Variants in ZNF732 observed in about 807,000 individuals in gnomAD.
ZNF732 encodes zinc finger protein 732.
In ZNF732, 12 loss-of-function variants were observed where a neutral mutation model predicts 11.5. The observed-to-expected ratio is 1.05, with a 90% CI of 0.67 to 1.70. The LOEUF (loss-of-function observed/expected upper bound fraction) is 1.70. Ranked by LOEUF, ZNF732 falls within the 40% of genes most tolerant of loss-of-function variation. The pLI is 0.00. For missense variants in ZNF732, 702 were observed against 676.9 expected (o/e 1.04, Z -0.41); for synonymous variants, 231 against 236.5 (o/e 0.98, Z 0.21).
intron 3 of ZNF732, among the ~76,000 whole-genome samples, chr4:277,308 A>G (rs533060910): frequency 6.6e-6 from 1 of 152,232 alleles, no homozygotes; most frequent in East Asian, 1.9e-4. Context: ...GAAACTAAAA[A>G]TGCTTTGCAC....
Position 271,317 on chromosome 4 carries a change from A to G in ZNF732, c.1540T>C (p.Ser514Pro). Reference sequence around the variant, plus strand: ...TTCTTATGTTTACTCAGGTATGTGGACCATCCAAAGGCTTTGCCACACTCT... The same window carrying G: ...TTCTTATGTTTACTCAGGTATGTGGGCCATCCAAAGGCTTTGCCACACTCT... ...CEECGKAFGW[S>P]TYLSKHKKIH... The change falls in exon 4 of 4, where the codon TCC (serine) becomes CCC (proline). Residue 514 changes from serine to proline, a missense_variant. Coordinates refer to ENST00000419098, the MANE Select transcript of ZNF732 (RefSeq NM_001137608.3). The G allele has an allele frequency of 2.5e-6, 4 of 1,600,252 alleles. No homozygotes were observed. The highest frequency in any genetic ancestry group is 1.7e-5 in the Admixed American group (1 of 57,360).
intron 1 of ZNF732, among the ~76,000 whole-genome samples, chr4:299,892 C>T (rs1442889899): frequency 2.9e-5 from 4 of 136,638 alleles, no homozygotes; most frequent in East Asian, 4.3e-4. Context: ...TAAGTAGAGA[C>T]GGGGTTTCAC....
At chr4:289,063 A>G (rs1719788414) in intron 3 of ZNF732, among the ~76,000 whole-genome samples, 2 of 152,348 alleles carry the variant, frequency 1.3e-5, no homozygotes, top group South Asian at 2.1e-4. Flanking sequence ...GGCCCCAAAA[A>G]GCTTCCAATC....
intron 3 of ZNF732, among the ~76,000 whole-genome samples, chr4:275,025 G>A (rs1553838464): frequency 6.6e-6 from 1 of 151,594 alleles, no homozygotes; most frequent in Non-Finnish European, 1.5e-5. Flanking sequence ...AAGGAAACAG[G>A]AGACTTGAAA....
chr4:299,589 AATAT>A (rs1482700221), intron 1 of ZNF732, among the ~76,000 whole-genome samples: 1 of 138,976 alleles, frequency 7.2e-6, no homozygotes, highest in Non-Finnish European at 1.5e-5. Flanking sequence ...TTTATATATA[AATAT>A]ATATTTATAA....
At chr4:273,471 A>T (rs1719431628) in intron 3 of ZNF732, among the ~76,000 whole-genome samples, 1 of 152,032 alleles carries the variant, frequency 6.6e-6, no homozygotes, top group South Asian at 2.1e-4. Context: ...AAAGATGTAC[A>T]AATTTTTAAA....
chr4:293,242 G>A (rs1358676280), intron 3 of ZNF732, among the ~76,000 whole-genome samples: 1 of 145,254 alleles, frequency 6.9e-6, no homozygotes, highest in Non-Finnish European at 1.5e-5. Context: ...TGGTGTGTGT[G>A]TGTATATATA....
chr4:292,139 T>G (rs1362460411), intron 3 of ZNF732, among the ~76,000 whole-genome samples: 1 of 152,222 alleles, frequency 6.6e-6, no homozygotes, highest in Admixed American at 6.5e-5. Context: ...GCCCTGTTGA[T>G]ACTGGCTTTG....
In ZNF732 at chr4:271,387, A is replaced by G; in HGVS notation, c.1470T>C (p.Asn490=). Residue 490 remains asparagine (N), a synonymous_variant, in exon 4 of 4, where the codon AAT becomes AAC. Transcript: ENST00000419098. ...CTCCAGTATGAATTGTCTTATGTTT[A>G]TTCAGGGCTCTGGAACATAAAAAGG... The part of the protein sequence containing the change: ...GKAFLCSRAL[N]KHKTIHTGEK... The G allele has an allele frequency of 6.3e-7, 1 of 1,599,222 alleles. No homozygotes were observed. Among genetic ancestry groups the G allele is most frequent in the Non-Finnish European group, 8.5e-7 (1 of 1,172,390 alleles).
At chr4:297,468 T>C (rs1719977092) in intron 1 of ZNF732, among the ~76,000 whole-genome samples, 1 of 152,054 alleles carries the variant, frequency 6.6e-6, no homozygotes, top group Non-Finnish European at 1.5e-5. Flanking sequence ...AGAATTACCA[T>C]TTCCTTTCTA....
Position 272,083 on chromosome 4 carries a change from G to C in ZNF732, c.774C>G (p.Ala258=), listed in dbSNP as rs782226515. 2 of 1,611,434 alleles carry C rather than the reference G, an allele frequency of 1.2e-6. No individual in the cohort carries two copies. The highest frequency in any genetic ancestry group is 1.7e-6 in the Non-Finnish European group (2 of 1,178,772). ...TAGTAAGGGTTGAGGACCTATTAAA[G>C]GCTTTGCCACATTCTTCATATTTGT... ...KSYKYEECGK[A]FNRSSTLTKH... Residue 258 remains alanine, a synonymous_variant, in exon 4 of 4, where the codon GCC becomes GCG. Transcript: ENST00000419098.
At chr4:280,906 A>G (rs186662530) in intron 3 of ZNF732, among the ~76,000 whole-genome samples, 2 of 152,188 alleles carry the variant, frequency 1.3e-5, no homozygotes, top group Non-Finnish European at 2.9e-5. Flanking sequence ...ATTAGCCCCA[A>G]ATCCACTCTT....
chr4:294,615 C>T (rs1357796028), intron 3 of ZNF732, among the ~76,000 whole-genome samples: 2 of 152,100 alleles, frequency 1.3e-5, no homozygotes, highest in African/African-American at 4.8e-5. Flanking sequence ...GGGGCCAAAA[C>T]TTTGAATGAG....
chr4:293,617 T>C (rs1719889797), intron 3 of ZNF732, among the ~76,000 whole-genome samples: 1 of 152,074 alleles, frequency 6.6e-6, no homozygotes, highest in Non-Finnish European at 1.5e-5. Context: ...ACAATAGCAT[T>C]AGATTAGCAA....
intron 3 of ZNF732, among the ~76,000 whole-genome samples, chr4:273,412 A>G (rs1413302077): frequency 1.3e-5 from 2 of 152,082 alleles, no homozygotes; most frequent in African/African-American, 4.8e-5. Flanking sequence ...ATATTAGAAC[A>G]TGGTCTAATT....
intron 3 of ZNF732, among the ~76,000 whole-genome samples, chr4:276,409 G>C (rs782535483): frequency 6.6e-6 from 1 of 151,820 alleles, no homozygotes; most frequent in Non-Finnish European, 1.5e-5. Context: ...CCAGATCTCA[G>C]ATAAAAAGTT....
rs782039747 is a variant in ZNF732 at position 305,348 on chromosome 4, A to C, written c.-38T>G. The C allele has an allele frequency of 6.2e-7, 1 of 1,607,140 alleles. No individual in the cohort carries two copies. The highest frequency in any genetic ancestry group is 1.1e-5 in the South Asian group (1 of 91,060). ...GGGGTGTAGCGGAGTCTCAGCTACGAATCATCCAATACCCGCAGGTCACAG... is the reference window on the plus strand; with the variant it reads ...GGGGTGTAGCGGAGTCTCAGCTACGCATCATCCAATACCCGCAGGTCACAG... On this transcript the variant is annotated 5_prime_UTR_variant, in exon 1 of 4. In the 5' UTR this introduces an upstream ATG that the reference lacks. Coordinates refer to ENST00000419098, the MANE Select transcript of ZNF732 (RefSeq NM_001137608.3).
intron 3 of ZNF732, among the ~76,000 whole-genome samples, chr4:292,892 A>AC (rs1719868561): frequency 1.8e-5 from 1 of 54,984 alleles, no homozygotes; most frequent in South Asian, 6.2e-4. Context: ...TAAAAACACA[A>AC]AAAAAAAAAA....
intron 3 of ZNF732, among the ~76,000 whole-genome samples, chr4:290,094 C>T (rs13111233): frequency 4.6e-5 from 7 of 152,106 alleles, no homozygotes; most frequent in African/African-American, 1.2e-4. Context: ...AAAACACTAA[C>T]GAAGTGACAG....
Sources: allele counts gnomAD v4.1 joint callset (sites outside exome capture counted in the v4.1 genomes callset), GRCh38; gene constraint gnomAD v4.1.1; transcripts MANE v1.5; gene names NCBI Gene and HGNC (gene_info 2026-07-23, HGNC 2026-07-21).